The following PLXNA2 variants were observed in gnomAD, a reference collection of about 807,000 sequenced individuals.
PLXNA2 encodes plexin-A2.
Under a neutral mutation model 193.5 loss-of-function variants are expected in PLXNA2, and 91 were observed. That is an observed-to-expected ratio of 0.47 (90% confidence interval 0.40 to 0.56). The LOEUF (loss-of-function observed/expected upper bound fraction) is 0.56. Among genes scored for constraint, PLXNA2 ranks in the 20% least tolerant of loss-of-function variants. The pLI, the probability that PLXNA2 is intolerant of heterozygous loss-of-function variation, is 0.00. For synonymous variants in PLXNA2, 997 were observed against 1,027.3 expected, an observed-to-expected ratio of 0.97 and a Z score of 0.56; for missense variants, 1,995 against 2,503.2, an observed-to-expected ratio of 0.80 and a Z score of 4.33.
At chr1:208,074,878 A>C (rs1318226090) in intron 12 of PLXNA2, among the ~76,000 whole-genome samples, 1 of 152,174 alleles carries the variant, frequency 6.6e-6, no homozygotes, top group Admixed American at 6.6e-5. Flanking sequence ...ACTAAGGAGG[A>C]CACCCATTCT....
At position 208,028,207 on chromosome 1, in the gene PLXNA2, T is replaced by C. The variant is rs1355528757; in HGVS notation, c.5439-48A>G. On this transcript the variant is annotated intron_variant, in intron 30 of 31. Coordinates refer to ENST00000367033, the MANE Select transcript of PLXNA2 (RefSeq NM_025179.4). The surrounding 1 kb of genome is among the most constrained non-coding windows in gnomAD (Gnocchi z 4.2). Reference sequence around the variant, plus strand: ...CTTGGTGGAGGCCTCAGCAAACATTTACCTATAGCTACCCCGGGCCCAGGT... The same window carrying C: ...CTTGGTGGAGGCCTCAGCAAACATTCACCTATAGCTACCCCGGGCCCAGGT... 1 of 1,535,264 alleles carries C rather than the reference T, an allele frequency of 6.5e-7. No individual in the cohort carries two copies. Among genetic ancestry groups the C allele is most frequent in the Non-Finnish European group, 8.8e-7 (1 of 1,136,024 alleles).
intron 29 of PLXNA2, chr1:208,030,836 T>C: frequency 4.1e-6 from 4 of 985,456 alleles, no homozygotes; most frequent in Non-Finnish European, 4.8e-6. Flanking sequence ...GGCCGGGTCC[T>C]GTCTGACCTG....
At position 208,042,088 on chromosome 1, in the gene PLXNA2, C is replaced by A; in HGVS notation, c.4286+10G>T. ...CTGCCACCCTCTCCACCCACTGCTG[C>A]GGGCCAGACCTCCGGAGTAGCAGCT... is the stretch of plus-strand genomic sequence containing the variant. On this transcript the variant is annotated intron_variant, in intron 22 of 31. Transcript: ENST00000367033. The A allele has an allele frequency of 6.2e-7, 1 of 1,611,896 alleles. No individual in the cohort carries two copies. Among genetic ancestry groups the A allele is most frequent in the South Asian group, 1.1e-5 (1 of 90,840 alleles).
At chr1:208,057,163 G>A (rs1462512292) in intron 13 of PLXNA2, among the ~76,000 whole-genome samples, 1 of 152,162 alleles carries the variant, frequency 6.6e-6, no homozygotes, top group Non-Finnish European at 1.5e-5. Context: ...ATTCTGCCAG[G>A]CACTCTACAA....
At chr1:208,227,111 C>T (rs1671534398) in intron 1 of PLXNA2, among the ~76,000 whole-genome samples, 1 of 152,222 alleles carries the variant, frequency 6.6e-6, no homozygotes, top group East Asian at 1.9e-4. Context: ...CTTCCAAAGG[C>T]AGGAAAAGGA....
chr1:208,196,341 CA>C (rs1162050661), intron 3 of PLXNA2, among the ~76,000 whole-genome samples: 1 of 151,512 alleles, frequency 6.6e-6, no homozygotes, highest in African/African-American at 2.4e-5. Context: ...TGTTAAAAAA[CA>C]AAAAACAAAA....
chr1:208,101,331 A>C (rs928899782), intron 5 of PLXNA2, among the ~76,000 whole-genome samples: 1 of 152,152 alleles, frequency 6.6e-6, no homozygotes, highest in Non-Finnish European at 1.5e-5. Context: ...AGCTTCCCCC[A>C]TCTCCTCACG....
At chr1:208,073,745 CA>C (rs1348962558) in intron 12 of PLXNA2, among the ~76,000 whole-genome samples, 1 of 151,250 alleles carries the variant, frequency 6.6e-6, no homozygotes, top group East Asian at 1.9e-4. Flanking sequence ...GGCACTAATC[CA>C]ATATGACAGG....
chr1:208,198,250 C>G (rs1572022922), intron 3 of PLXNA2, among the ~76,000 whole-genome samples: 1 of 152,320 alleles, frequency 6.6e-6, no homozygotes, highest in East Asian at 1.9e-4. Flanking sequence ...TTTGCCAGAT[C>G]AAAATGACTC....
rs1377654028 is a variant in PLXNA2 at position 208,200,829 on chromosome 1, C to T, written c.1371+9451G>A. ...CCATGTTGGCCAGGCTGGTCTTGAA[C>T]TCTTGACCTCAGGCAATCTGCCTGC... On this transcript the variant is annotated intron_variant, in intron 3 of 31. Transcript: ENST00000367033. 2.6e-5 allele frequency among the ~76,000 whole-genome samples: 4 copies of T among 151,990 alleles called. No individual in the cohort carries two copies. The East Asian group carries it at 7.7e-4, about 29-fold the overall frequency.
rs1159327870 is a variant in PLXNA2, at chr1:208,023,284, C to T, written c.*3959G>A. 6.6e-6 allele frequency: 1 copy of T among 152,606 alleles called. No individual in the cohort carries two copies. Among genetic ancestry groups the T allele is most frequent in the East Asian group, 1.9e-4 (1 of 5,190 alleles). 9.5% of individuals were successfully genotyped at this position (152,606 alleles called of 1,614,324 possible). On this transcript the variant is annotated 3_prime_UTR_variant, in exon 32 of 32. Coordinates refer to ENST00000367033, the MANE Select transcript of PLXNA2 (RefSeq NM_025179.4). ...AGCGTGGCTGGGAAAAAAAGACGGC[C>T]TCTCCTGGAGCAGCTGCTGGATCAG... is the stretch of plus-strand genomic sequence containing the variant.
Position 208,154,811 on chromosome 1 carries a change from G to T in PLXNA2, c.1372-12348C>A, listed in dbSNP as rs548905328. On this transcript the variant is annotated intron_variant, in intron 3 of 31. Transcript: ENST00000367033. ...GCCACGCAGGGGCACTCAGCCAAGG[G>T]AGTTAATTCTCACTTTCCTCATCTA... Among the ~76,000 whole-genome samples, 38 of 152,386 alleles carry T rather than the reference G, an allele frequency of 2.5e-4. No individual in the cohort carries two copies. In the East Asian group the frequency reaches 7.1e-3, roughly 29 times the overall value.
chr1:208,121,828 AAC>A (rs1667814871), intron 4 of PLXNA2, among the ~76,000 whole-genome samples: 1 of 152,184 alleles, frequency 6.6e-6, no homozygotes, highest in Non-Finnish European at 1.5e-5. Flanking sequence ...CACACTCATG[AAC>A]ACAAACACAC....
chr1:208,210,253 G>A, intron 3 of PLXNA2, 27 bp downstream of exon 3: 6 of 1,610,992 alleles, frequency 3.7e-6, no homozygotes, highest in Non-Finnish European at 5.1e-6. Flanking sequence ...GAATGGCATT[G>A]GAGCATCTGA....
At chr1:208,125,492 G>A (rs1223694911) in intron 4 of PLXNA2, among the ~76,000 whole-genome samples, 1 of 152,210 alleles carries the variant, frequency 6.6e-6, no homozygotes, top group East Asian at 1.9e-4. Context: ...CCAGGTGAGA[G>A]AAATCGCATT....
In PLXNA2 at chr1:208,039,666, C is replaced by A. The variant is rs759979862; in HGVS notation, c.4455G>T (p.Leu1485=). ...GCTGCCGGATGAGCTTGTCCTCGCT[C>A]AGGGAGTAGCGGGCCTCGCCCGTGA... ...DAITGEARYS[L]SEDKLIRQQI... Residue 1485 remains leucine (L), a synonymous_variant, in exon 24 of 32, where the codon CTG becomes CTT. Transcript: ENST00000367033. 3.7e-6 allele frequency: 6 copies of A among 1,614,102 alleles called. No individual in the cohort carries two copies. The highest frequency in any genetic ancestry group is 5.1e-6 in the Non-Finnish European group (6 of 1,180,054).
intron 12 of PLXNA2, among the ~76,000 whole-genome samples, chr1:208,073,526 A>C (rs189233571): frequency 1.3e-5 from 2 of 152,346 alleles, no homozygotes; most frequent in African/African-American, 4.8e-5. Flanking sequence ...TACAGTAGTC[A>C]TTAATTAAAT....
chr1:208,170,451 CAGG>C (rs1669459858), intron 3 of PLXNA2, among the ~76,000 whole-genome samples: 1 of 152,134 alleles, frequency 6.6e-6, no homozygotes. Context: ...GAACCACGGC[CAGG>C]AGGAGAGGCA....
At chr1:208,114,204 T>C (rs1450067207) in intron 4 of PLXNA2, among the ~76,000 whole-genome samples, 1 of 152,226 alleles carries the variant, frequency 6.6e-6, no homozygotes, top group African/African-American at 2.4e-5. Flanking sequence ...CAGCAACACT[T>C]CCTGCTCTGC....
Sources: gnomAD v4.1 joint callset for allele counts (sites outside exome capture counted in the v4.1 genomes callset) on GRCh38, gnomAD v4.1.1 for gene constraint, Gnocchi (gnomAD v3.1) non-coding constraint, MANE v1.5 for transcripts, NCBI Gene and HGNC (gene_info 2026-07-23, HGNC 2026-07-21) for gene names.